VCAN: variants seen among roughly 807,000 people sequenced by gnomAD.
VCAN encodes versican core protein.
Under a neutral mutation model 245.5 loss-of-function variants are expected in VCAN, and 44 were observed. That is an observed-to-expected ratio of 0.18 (90% CI 0.14 to 0.23). VCAN has a LOEUF of 0.23. Ranked by LOEUF, VCAN falls within the 10% of genes least tolerant of loss-of-function variation. The pLI, the probability that VCAN is intolerant of heterozygous loss-of-function variation, is 1.00. For missense variants in VCAN, 3,793 were observed against 4,057.9 expected, an observed-to-expected ratio of 0.93 and a Z score of 1.77; for synonymous variants, 1,413 against 1,437.0, an observed-to-expected ratio of 0.98 and a Z score of 0.38.
chr5:83,487,684 A>C (rs745853546), intron 2 of VCAN, among the ~76,000 whole-genome samples: 2 of 152,128 alleles, frequency 1.3e-5, no homozygotes, highest in Non-Finnish European at 2.9e-5. Flanking sequence ...TATCCAACCA[A>C]AGCTTTTAAT....
At position 83,483,587 on chromosome 5, in the gene VCAN, A is replaced by T. The variant is rs768072971; in HGVS notation, c.69A>T (p.Lys23Asn). 1.9e-6 allele frequency: 3 copies of T among 1,613,128 alleles called. No individual in the cohort carries two copies. In the East Asian group the frequency reaches 6.7e-5, roughly 36 times the overall value. Residue 23 changes from lysine (K) to asparagine (N), a missense_variant and splice_region_variant, in exon 2 of 15, where the codon AAA (lysine) becomes AAT (asparagine). This residue lies in a region of VCAN where 179 missense variants were observed against 169.7 expected (regional missense o/e 1.05). Coordinates refer to ENST00000265077, the MANE Select transcript of VCAN (RefSeq NM_004385.5). ...STLIVTHALH[K>N]VKVGKSPPVR... Reference sequence around the variant, plus strand: ...TAATAGTAACCCATGCGCTACATAAAGGTGAGTGTGCTAACAATTTCTTTG... The same window carrying T: ...TAATAGTAACCCATGCGCTACATAATGGTGAGTGTGCTAACAATTTCTTTG...
chr5:83,516,048 C>A (rs533917693), intron 6 of VCAN, among the ~76,000 whole-genome samples: 1 of 152,124 alleles, frequency 6.6e-6, no homozygotes, highest in African/African-American at 2.4e-5. Context: ...CTGGCTAACA[C>A]GGTGAAACCC....
At chr5:83,529,053 T>C (rs1746419224) in intron 7 of VCAN, among the ~76,000 whole-genome samples, 1 of 143,884 alleles carries the variant, frequency 7.0e-6, no homozygotes, top group African/African-American at 2.5e-5. Context: ...TATATACAGG[T>C]AATATACAGA....
chr5:83,531,388 A>G (rs1275288257), intron 7 of VCAN: 4 of 152,090 alleles, frequency 2.6e-5, no homozygotes, highest in Non-Finnish European at 4.4e-5. Context: ...TATGCTTCAC[A>G]TAGTAGGTTT....
At chr5:83,531,861 G>A (rs1192578355) in intron 7 of VCAN, among the ~76,000 whole-genome samples, 1 of 152,040 alleles carries the variant, frequency 6.6e-6, no homozygotes, top group Non-Finnish European at 1.5e-5. Flanking sequence ...ATTAAAAAAA[G>A]CCTATTAACC....
At chr5:83,531,534 A>C (rs1746520291) in intron 7 of VCAN, 1 of 152,214 alleles carries the variant, frequency 6.6e-6, no homozygotes, top group Non-Finnish European at 1.5e-5. Context: ...TTTTTTAAAT[A>C]GGAAAACAAA....
At chr5:83,483,881 C>G (rs1272132331) in intron 2 of VCAN, among the ~76,000 whole-genome samples, 1 of 152,082 alleles carries the variant, frequency 6.6e-6, no homozygotes, top group Non-Finnish European at 1.5e-5. Flanking sequence ...TTTTAAAATT[C>G]TAACACTATT....
intron 6 of VCAN, among the ~76,000 whole-genome samples, chr5:83,518,384 T>G (rs996033021): frequency 6.6e-6 from 1 of 152,216 alleles, no homozygotes; most frequent in African/African-American, 2.4e-5. Context: ...CTGGAGCCAT[T>G]ATAATGCAGC....
At chr5:83,477,951 C>CTTTT (rs55842421) in intron 1 of VCAN, among the ~76,000 whole-genome samples, 1 of 139,074 alleles carries the variant, frequency 7.2e-6, no homozygotes, top group African/African-American at 2.6e-5. Context: ...TAATTTTTTT[C>CTTTT]TTTTTTTTTT....
intron 12 of VCAN, among the ~76,000 whole-genome samples, chr5:83,560,267 A>C (rs1747817884): frequency 6.6e-6 from 1 of 152,138 alleles, no homozygotes; most frequent in African/African-American, 2.4e-5. Context: ...AATTACTCAA[A>C]ACTTTGGAGG....
chr5:83,512,330 T>C lies in VCAN; in HGVS notation c.976T>C (p.Tyr326His), dbSNP rs765187085. The C allele has an allele frequency of 6.2e-7, 1 of 1,611,568 alleles. No individual in the cohort carries two copies. Among genetic ancestry groups the C allele is most frequent in the Non-Finnish European group, 8.5e-7 (1 of 1,177,804 alleles). ...GGGLLGVRTL[Y>H]RFENQTGFPP... ...TGGTCTACTTGGGGTGAGAACCCTG[T>C]ATCGTTTTGAGAACCAGACAGGCTT... is the stretch of plus-strand genomic sequence containing the variant. The change falls in exon 6 of 15, where the codon TAT becomes CAT. Residue 326 changes from tyrosine (Y) to histidine (H), a missense_variant. Tyr to His is a moderately conservative substitution (Grantham distance 83). This residue lies in a region of VCAN where 190 missense variants were observed against 288.6 expected (regional missense o/e 0.66). Transcript: ENST00000265077.
intron 12 of VCAN, among the ~76,000 whole-genome samples, chr5:83,556,101 T>C (rs1747656279): frequency 6.6e-6 from 1 of 152,218 alleles, no homozygotes; most frequent in South Asian, 2.1e-4. Flanking sequence ...TGCTCCATCA[T>C]GGACACACTA....
intron 5 of VCAN, among the ~76,000 whole-genome samples, chr5:83,507,405 T>G (rs1414576004): frequency 6.6e-6 from 1 of 152,234 alleles, no homozygotes; most frequent in Non-Finnish European, 1.5e-5. Context: ...GCATTCCCTG[T>G]CTAACTCTAA....
intron 6 of VCAN, among the ~76,000 whole-genome samples, chr5:83,513,812 G>A (rs1216745185): frequency 2.6e-5 from 4 of 152,292 alleles, no homozygotes; most frequent in Non-Finnish European, 4.4e-5. Flanking sequence ...TTTACATTAC[G>A]TGACTGATAT....
rs755587066 is a variant in VCAN at position 83,538,846 on chromosome 5, T to C, written c.5843T>C (p.Ile1948Thr). ...FREYSTVSHPIAKEETVMMEG... is the reference protein window; with the variant it reads ...FREYSTVSHPTAKEETVMMEG... Reference sequence around the variant, plus strand: ...GAATACTCAACAGTGTCTCATCCCATAGCAAAAGAAGAAACGGTAATGATG... The same window carrying C: ...GAATACTCAACAGTGTCTCATCCCACAGCAAAAGAAGAAACGGTAATGATG... The change falls in exon 8 of 15, where the codon ATA becomes ACA. Residue 1948 changes from isoleucine (I) to threonine (T), a missense_variant. Physicochemically the swap from Ile to Thr is moderately conservative, Grantham distance 89. Around this residue, in one of 5 missense-constraint regions of VCAN, gnomAD observed 3,182 missense variants for 3,250.3 expected, o/e 0.98. Transcript: ENST00000265077. 6.8e-6 allele frequency: 11 copies of C among 1,613,866 alleles called. No individual in the cohort carries two copies. In the African/African-American group the frequency reaches 1.3e-4, roughly 20 times the overall value.
chr5:83,483,333 G>C (rs1009395824), intron 1 of VCAN, among the ~76,000 whole-genome samples, 180 bp from the exon 2 acceptor site: 1 of 152,190 alleles, frequency 6.6e-6, no homozygotes, highest in Admixed American at 6.5e-5. Flanking sequence ...CATTGAGATA[G>C]CTTCTGCTAT....
Position 83,580,535 on chromosome 5 carries a change from T to G in VCAN, c.*101T>G, listed in dbSNP as rs549640238. ...AGAAGTAATTATCAGTTGGTTTGGA[T>G]TTTTGGACCACCGTTCAGTCATTTT... On this transcript the variant is annotated 3_prime_UTR_variant, in exon 15 of 15. Coordinates refer to ENST00000265077, the MANE Select transcript of VCAN (RefSeq NM_004385.5). 1 of 1,549,370 alleles carries G rather than the reference T, an allele frequency of 6.5e-7. No homozygotes were observed. The highest frequency in any genetic ancestry group is 1.4e-5 in the African/African-American group (1 of 73,540).
At chr5:83,550,935 GT>G (rs371547453) in intron 10 of VCAN, among the ~76,000 whole-genome samples, 40,874 of 121,370 alleles carry the variant, frequency 0.34, 6,825 homozygotes, top group Non-Finnish European at 0.37. Flanking sequence ...AGTTGGCTTT[GT>G]TTTTTTTTTT....
At chr5:83,507,688 G>A (rs921388246) in intron 5 of VCAN, among the ~76,000 whole-genome samples, 18 of 152,166 alleles carry the variant, frequency 1.2e-4, no homozygotes, top group African/African-American at 3.9e-4. Flanking sequence ...ATCCTTCTAT[G>A]AGCATTCATT....
Sources: gnomAD v4.1 joint callset for allele counts (sites outside exome capture counted in the v4.1 genomes callset) on GRCh38, gnomAD v4.1.1 for gene constraint, gnomAD v4.1.1 regional missense constraint, MANE v1.5 for transcripts, NCBI Gene and HGNC (gene_info 2026-07-23, HGNC 2026-07-21) for gene names.